The following MTMR9 variants were observed in gnomAD, a reference collection of about 807,000 sequenced individuals.
MTMR9 encodes myotubularin-related protein 9.
In MTMR9, 39 loss-of-function variants were observed where a neutral mutation model predicts 69.5. The ratio of observed to expected loss-of-function variants is 0.56; its 90% CI spans 0.43 to 0.73. MTMR9 has a LOEUF of 0.73. MTMR9 is among the 30% of genes least tolerant of loss of function. The pLI is 0.00. For synonymous variants in MTMR9, 354 were observed against 240.8 expected (o/e 1.47, Z -4.35); for missense variants, 900 against 671.2 (o/e 1.34, Z -3.77).
rs1374469342 is a variant in MTMR9, at chr8:11,325,555, A to G, written c.*2767A>G. 2 of 152,214 alleles carry G rather than the reference A, an allele frequency of 1.3e-5. No individual in the cohort carries two copies. The highest frequency in any genetic ancestry group is 1.3e-4 in the Admixed American group (2 of 15,288). 9.4% of individuals were successfully genotyped at this position (152,214 alleles called of 1,614,324 possible). On this transcript the variant is annotated 3_prime_UTR_variant, in exon 10 of 10. Coordinates refer to ENST00000221086, the MANE Select transcript of MTMR9 (RefSeq NM_015458.4). ...GTGGAGTGAAAGCTGGTTTTTATAC[A>G]GGAGATACGTAAAGTAGGCCCCACA...
At chr8:11,313,347 G>A (rs1212992469) in intron 6 of MTMR9, among the ~76,000 whole-genome samples, 6 of 152,140 alleles carry the variant, frequency 3.9e-5, no homozygotes, top group African/African-American at 2.4e-5. Flanking sequence ...CAGACCACTC[G>A]AACTTTGTCC....
chr8:11,337,172 C>G, the MTMR9 span, among the ~76,000 whole-genome samples: 3 of 152,140 alleles, frequency 2.0e-5, no homozygotes, highest in Admixed American at 6.5e-5. Context: ...GCACTGCATT[C>G]TAGACTTGTT....
intron 5 of MTMR9, 29 bp downstream of exon 5, chr8:11,306,436 C>T: frequency 3.1e-6 from 5 of 1,594,232 alleles, no homozygotes; most frequent in Non-Finnish European, 4.3e-6. Flanking sequence ...AGTACAGACT[C>T]TTATTAGAAG....
intron 7 of MTMR9, chr8:11,315,722 A>G (rs185371786): frequency 6.6e-6 from 1 of 152,458 alleles, no homozygotes; most frequent in Admixed American, 6.5e-5. Context: ...TACGTACACC[A>G]TGTCCACCCT....
rs759160960 is a variant in MTMR9 at position 11,322,809 on chromosome 8, G to C, written c.*21G>C. 4 of 1,601,678 alleles carry C rather than the reference G, an allele frequency of 2.5e-6. No individual in the cohort carries two copies. Among genetic ancestry groups the C allele is most frequent in the Non-Finnish European group, 3.4e-6 (4 of 1,173,782 alleles). ...CCTGAAAGGTCTCCTCGCACCCTTC[G>C]CAAGGACCTTCTTGGGCCTGTGTCC... On this transcript the variant is annotated 3_prime_UTR_variant, in exon 10 of 10. Coordinates refer to ENST00000221086, the MANE Select transcript of MTMR9 (RefSeq NM_015458.4).
At position 11,327,490 on chromosome 8, in the gene MTMR9, T is replaced by A. The variant is rs1800989016; in HGVS notation, c.*4702T>A. The A allele has an allele frequency of 6.6e-6, 1 of 152,484 alleles. No individual in the cohort carries two copies. Among genetic ancestry groups the A allele is most frequent in the South Asian group, 2.1e-4 (1 of 4,834 alleles). 9.4% of individuals were successfully genotyped at this position (152,484 alleles called of 1,614,324 possible). On this transcript the variant is annotated 3_prime_UTR_variant, in exon 10 of 10. Coordinates refer to ENST00000221086, the MANE Select transcript of MTMR9 (RefSeq NM_015458.4). Reference sequence around the variant, plus strand: ...TTTGCTTCACTTTTAAAATGCACGTTATCTTTGGAGAGGTGAATTATTCTA... The same window carrying A: ...TTTGCTTCACTTTTAAAATGCACGTAATCTTTGGAGAGGTGAATTATTCTA...
chr8:11,300,151 G>T lies in MTMR9; in HGVS notation c.417+3G>T, dbSNP rs1799702712. The T allele has an allele frequency of 6.2e-7, 1 of 1,612,270 alleles. No individual in the cohort carries two copies. The highest frequency in any genetic ancestry group is 8.5e-7 in the Non-Finnish European group (1 of 1,178,790). ...AATTTGAACTCTATTCTTCAGCTGT[G>T]AGTTAACTTTTGAGAACTGTGGATT... is the stretch of plus-strand genomic sequence containing the variant. On this transcript the variant is annotated splice_donor_region_variant and intron_variant, in intron 3 of 9. Transcript: ENST00000221086.
the MTMR9 span, among the ~76,000 whole-genome samples, chr8:11,336,094 G>C: frequency 6.6e-6 from 1 of 152,174 alleles, no homozygotes; most frequent in Non-Finnish European, 1.5e-5. Flanking sequence ...CATGATAAAA[G>C]AGGTACAATG....
rs754839909 is a variant in MTMR9 at position 11,319,814 on chromosome 8, C to T, written c.1462C>T (p.Pro488Ser). 1.2e-5 allele frequency: 19 copies of T among 1,614,010 alleles called. No individual in the cohort carries two copies. ...CCTTGTCATCTGGCCTTCAGTTGCTCCGCAGAGTCTTCCACTGTGGGAAGG... is the reference window on the plus strand; with the variant it reads ...CCTTGTCATCTGGCCTTCAGTTGCTTCGCAGAGTCTTCCACTGTGGGAAGG... The part of the protein sequence containing the change: ...NNLVIWPSVA[P>S]QSLPLWEGIF... The change falls in exon 9 of 10, where the codon CCG becomes TCG. Residue 488 changes from proline to serine, a missense_variant. Transcript: ENST00000221086.
At chr8:11,316,931 G>C in intron 8 of MTMR9, 38 bp downstream of exon 8, 3 of 1,423,140 alleles carry the variant, frequency 2.1e-6, no homozygotes, top group Non-Finnish European at 2.8e-6. Flanking sequence ...TTCCTTTTCC[G>C]TTGTTTTGGC....
intron 5 of MTMR9, 65 bp downstream of exon 5, chr8:11,306,472 C>G (rs1799945613): frequency 7.0e-7 from 1 of 1,424,698 alleles, no homozygotes; most frequent in Non-Finnish European, 9.7e-7. Flanking sequence ...AAGGCCTTAG[C>G]CATTTGAAAA....
At chr8:11,298,945 A>G in intron 2 of MTMR9, 1 of 875,498 alleles carries the variant, frequency 1.1e-6, no homozygotes, top group Non-Finnish European at 1.4e-6. Flanking sequence ...CAGCATGAAA[A>G]TATGATGATA....
intron 2 of MTMR9, chr8:11,298,720 A>ACGG: frequency 1.2e-5 from 9 of 726,500 alleles, no homozygotes; most frequent in East Asian, 1.5e-4. Flanking sequence ...TCCCCGCTGC[A>ACGG]CCCCCCCCCC....
the MTMR9 span, among the ~76,000 whole-genome samples, chr8:11,338,901 C>G: frequency 6.6e-6 from 1 of 152,126 alleles, no homozygotes; most frequent in Non-Finnish European, 1.5e-5. Context: ...TAATTTTGTG[C>G]TGGGAAGAAG....
downstream of MTMR9, chr8:11,330,886 C>G: frequency 1.0e-6 from 1 of 994,700 alleles, no homozygotes; most frequent in Non-Finnish European, 1.4e-6. Context: ...AAATCCCCCT[C>G]TGCGAGAAAC....
chr8:11,330,702 C>T (rs1801179913), downstream of MTMR9, among the ~76,000 whole-genome samples: 3 of 152,112 alleles, frequency 2.0e-5, no homozygotes, highest in Admixed American at 2.0e-4. Context: ...CTTTGTTAAA[C>T]AGATACTTGA....
intron 2 of MTMR9, chr8:11,298,915 C>T: frequency 1.0e-6 from 1 of 973,766 alleles, no homozygotes; most frequent in Non-Finnish European, 1.2e-6. Context: ...TTATTGCCCC[C>T]ATTTGAGAAT....
intron 6 of MTMR9, among the ~76,000 whole-genome samples, chr8:11,312,864 C>T (rs1000070622): frequency 6.6e-6 from 1 of 152,226 alleles, no homozygotes; most frequent in Non-Finnish European, 1.5e-5. Context: ...AAACAACATT[C>T]ATCTCCATGT....
intron 1 of MTMR9, among the ~76,000 whole-genome samples, chr8:11,286,800 G>A (rs1477185795): frequency 3.3e-5 from 5 of 150,974 alleles, no homozygotes; most frequent in Admixed American, 6.6e-5. Flanking sequence ...TTCTTTTAAC[G>A]AGCCTTTCTT....
Sources: allele counts gnomAD v4.1 joint callset (sites outside exome capture counted in the v4.1 genomes callset), GRCh38; gene constraint gnomAD v4.1.1; transcripts MANE v1.5; gene names NCBI Gene and HGNC (gene_info 2026-07-23, HGNC 2026-07-21).